Variants in MIPEP observed in about 807,000 individuals in gnomAD.
MIPEP encodes the protein mitochondrial intermediate peptidase.
MIPEP carries 79 observed loss-of-function variants against 90.3 expected under a neutral mutation model. That is an observed-to-expected ratio of 0.87 (90% CI 0.73 to 1.05). The LOEUF is 1.05. Among genes scored for constraint, MIPEP ranks in the 50% least tolerant of loss-of-function variants. MIPEP has a pLI of 0.00. For missense variants in MIPEP, 940 were observed against 905.6 expected (o/e 1.04, Z -0.49); for synonymous variants, 334 against 315.8 (o/e 1.06, Z -0.61).
chr13:23,737,754 T>C (rs921579192), intron 18 of MIPEP, among the ~76,000 whole-genome samples: 1 of 152,224 alleles, frequency 6.6e-6, no homozygotes, highest in Non-Finnish European at 1.5e-5. Flanking sequence ...GCAGTTTGAC[T>C]ATACCTGTAA....
chr13:23,826,769 A>G (rs1868470363), intron 14 of MIPEP, among the ~76,000 whole-genome samples: 1 of 152,216 alleles, frequency 6.6e-6, no homozygotes, highest in African/African-American at 2.4e-5. Flanking sequence ...GAGAGTAATA[A>G]TAAAAGTAGG....
chr13:23,829,761 T>C (rs909956721), intron 14 of MIPEP, among the ~76,000 whole-genome samples: 10 of 152,066 alleles, frequency 6.6e-5, no homozygotes. Context: ...CTGGGCAACC[T>C]AGCAAGACCT....
At chr13:23,756,155 T>A (rs1952488851) in intron 18 of MIPEP, among the ~76,000 whole-genome samples, 1 of 152,212 alleles carries the variant, frequency 6.6e-6, no homozygotes, top group Non-Finnish European at 1.5e-5. Context: ...TTTATTTGCT[T>A]ATTTATTTAT....
At chr13:23,795,574 T>G (rs570099442) in intron 16 of MIPEP, among the ~76,000 whole-genome samples, 3 of 152,340 alleles carry the variant, frequency 2.0e-5, no homozygotes, top group East Asian at 3.9e-4. Flanking sequence ...TATCTTCATG[T>G]CTTATCAACT....
intron 9 of MIPEP, 96 bp from the exon 10 acceptor site, chr13:23,859,008 G>A (rs2137497055): frequency 1.0e-6 from 1 of 964,548 alleles, no homozygotes. Context: ...ACCAGCTACT[G>A]TTCATGTAAA....
At chr13:23,832,975 C>A (rs150425438) in intron 14 of MIPEP, among the ~76,000 whole-genome samples, 294 of 152,260 alleles carry the variant, frequency 1.9e-3, no homozygotes, top group African/African-American at 7.0e-3. Flanking sequence ...ACAAGGAATT[C>A]TTTGACTATG....
chr13:23,876,018 C>T (rs925457363), intron 4 of MIPEP, among the ~76,000 whole-genome samples: 1 of 152,164 alleles, frequency 6.6e-6, no homozygotes, highest in African/African-American at 2.4e-5. Context: ...TACTCTCCCA[C>T]TCCCATGAAC....
chr13:23,847,723 G>A (rs978932506), intron 10 of MIPEP, among the ~76,000 whole-genome samples: 1 of 152,224 alleles, frequency 6.6e-6, no homozygotes, highest in Non-Finnish European at 1.5e-5. Context: ...AATTATTTGT[G>A]TTGTAAGATA....
rs10595689 is a variant in MIPEP at position 23,875,027 on chromosome 13, A to AACACACAC, written c.540-126_540-119dup. 0.082 allele frequency: 32,579 copies of AACACACAC among 396,412 alleles called. 876 individuals carry two copies. The highest frequency in any genetic ancestry group is 0.096 in the Non-Finnish European group (21,209 of 221,266). 24.6% of individuals were successfully genotyped at this position (396,412 alleles called of 1,614,324 possible). A position where few individuals can be genotyped will look rare whatever the true frequency, so the allele number is the denominator to read the frequency against. On this transcript the variant is annotated intron_variant, in intron 4 of 18. Transcript: ENST00000382172. Reference sequence around the variant, plus strand: ...GCCTCACTGCCAAAAGTTTCTTCAAAACACACACACACACACACACACACA... The same window carrying AACACACAC: ...GCCTCACTGCCAAAAGTTTCTTCAAAACACACACACACACACACACACACACACACACA...
chr13:23,770,961 AG>A (rs1369664509), intron 16 of MIPEP, among the ~76,000 whole-genome samples: 1 of 152,194 alleles, frequency 6.6e-6, no homozygotes, highest in Non-Finnish European at 1.5e-5. Flanking sequence ...CACTAGGCAC[AG>A]AGACTTGAAA....
At chr13:23,743,612 G>A (rs1195275833) in intron 18 of MIPEP, among the ~76,000 whole-genome samples, 1 of 152,250 alleles carries the variant, frequency 6.6e-6, no homozygotes, top group Non-Finnish European at 1.5e-5. Flanking sequence ...CTCTGAACCT[G>A]TGTTAGACAG....
At chr13:23,782,199 T>G (rs1217916930) in intron 16 of MIPEP, among the ~76,000 whole-genome samples, 1 of 152,198 alleles carries the variant, frequency 6.6e-6, no homozygotes, top group Admixed American at 6.5e-5. Flanking sequence ...GACCACATAG[T>G]TGGAAGTAAA....
intron 18 of MIPEP, among the ~76,000 whole-genome samples, chr13:23,742,071 G>A (rs1021011495): frequency 1.3e-5 from 2 of 152,130 alleles, no homozygotes; most frequent in South Asian, 2.1e-4. Flanking sequence ...GCAGCTATTC[G>A]AATGCAGTTC....
chr13:23,831,635 A>G (rs1429394284), intron 14 of MIPEP, among the ~76,000 whole-genome samples: 1 of 152,186 alleles, frequency 6.6e-6, no homozygotes, highest in Non-Finnish European at 1.5e-5. Flanking sequence ...ACCTCGCTTC[A>G]TAACAACCTG....
intron 14 of MIPEP, among the ~76,000 whole-genome samples, chr13:23,823,836 C>G (rs1953336850): frequency 1.3e-5 from 2 of 151,894 alleles, no homozygotes; most frequent in South Asian, 4.2e-4. Flanking sequence ...CCTCTCTCAC[C>G]AAAAAAGGGG....
At chr13:23,781,821 T>C (rs373058698) in intron 16 of MIPEP, among the ~76,000 whole-genome samples, 27 of 152,098 alleles carry the variant, frequency 1.8e-4, no homozygotes, top group Admixed American at 9.2e-4. Flanking sequence ...TCTGATAAAA[T>C]AGACTTTAAA....
chr13:23,761,223 C>G (rs9510849), intron 16 of MIPEP, among the ~76,000 whole-genome samples: 26,581 of 151,774 alleles, frequency 0.18, 2,745 homozygotes, highest in Non-Finnish European at 0.23. Flanking sequence ...AAACTGTTGT[C>G]CCTCCTTCTC....
intron 16 of MIPEP, among the ~76,000 whole-genome samples, chr13:23,763,504 G>C (rs3794333): frequency 0.21 from 32,642 of 152,146 alleles, 3,862 homozygotes; most frequent in East Asian, 0.43. Flanking sequence ...TTAGATTCAA[G>C]CTGAATACAG....
chr13:23,844,729 A>AT (rs1217570929), intron 10 of MIPEP, among the ~76,000 whole-genome samples: 1 of 152,220 alleles, frequency 6.6e-6, no homozygotes, highest in Non-Finnish European at 1.5e-5. Context: ...AACACAGCTT[A>AT]TTTTACTAAA....
Sources: gnomAD v4.1 joint callset for allele counts (sites outside exome capture counted in the v4.1 genomes callset) on GRCh38, gnomAD v4.1.1 for gene constraint, MANE v1.5 for transcripts, NCBI Gene and HGNC (gene_info 2026-07-23, HGNC 2026-07-21) for gene names.